Variants in NEK10 observed in about 807,000 individuals in gnomAD.
NEK10 encodes the protein NIMA related kinase 10.
A neutral mutation model predicts 159.8 loss-of-function variants in NEK10; 122 were observed. The observed-to-expected ratio is 0.76, with a 90% CI of 0.66 to 0.89. NEK10 has a LOEUF of 0.89. Ranked by LOEUF, NEK10 falls within the 40% of genes least tolerant of loss-of-function variation. The pLI, the probability that NEK10 is intolerant of heterozygous loss-of-function variation, is 0.00. For missense variants in NEK10, 1,342 were observed against 1,323.1 expected (o/e 1.01, Z -0.22); for synonymous variants, 466 against 457.1 (o/e 1.02, Z -0.25).
chr3:27,361,867 TCTGA>T (rs778954925), intron 1 of NEK10, among the ~76,000 whole-genome samples: 10 of 150,354 alleles, frequency 6.7e-5, no homozygotes, highest in Non-Finnish European at 1.3e-4. Context: ...TTTACTGTGC[TCTGA>T]CTGTGCACAA....
At chr3:27,358,847 T>G (rs1406874337) in intron 1 of NEK10, among the ~76,000 whole-genome samples, 1 of 152,210 alleles carries the variant, frequency 6.6e-6, no homozygotes, top group Non-Finnish European at 1.5e-5. Flanking sequence ...TCACTCAGGT[T>G]GCATCTTTGT....
rs118081438 is a variant in NEK10 at position 27,280,184 on chromosome 3, A to G, written c.2014+4418T>C. Among the ~76,000 whole-genome samples the G allele has an allele frequency of 5.1e-4, 78 of 151,864 alleles. No homozygotes were observed. The East Asian group carries it at 0.013, about 26-fold the overall frequency. On this transcript the variant is annotated intron_variant, in intron 22 of 35. Transcript: ENST00000691995. Reference sequence around the variant, plus strand: ...CAGGAACAATGAGAATGGGCTTGGCAACAACAGAGGATGAGATATTCCAAT... The same window carrying G: ...CAGGAACAATGAGAATGGGCTTGGCGACAACAGAGGATGAGATATTCCAAT...
At chr3:27,303,100 G>C (rs148422241) in intron 12 of NEK10, among the ~76,000 whole-genome samples, 167 of 152,282 alleles carry the variant, frequency 1.1e-3, no homozygotes, top group African/African-American at 3.5e-3. Flanking sequence ...TCCAGCTGGG[G>C]TAATAAATTC....
At position 27,162,438 on chromosome 3, in the gene NEK10, C is replaced by A. The variant is rs376531519; in HGVS notation, c.2869+263G>T. ...CATTTGCCCATTGTGTGCTTAACAT[C>A]AATGTGATCTAGTAAGTACTACCAT... On this transcript the variant is annotated intron_variant, in intron 30 of 35. Transcript: ENST00000691995. 2.5e-6 allele frequency: 4 copies of A among 1,610,436 alleles called. No homozygotes were observed. In the African/African-American group the frequency reaches 5.3e-5, roughly 22 times the overall value.
At chr3:27,116,209 C>A in intron 33 of NEK10, 82 bp from the exon 34 acceptor site, 1 of 1,236,118 alleles carries the variant, frequency 8.1e-7, no homozygotes, top group Non-Finnish European at 1.2e-6. Context: ...ATGACTTCAA[C>A]CACAGGGCAA....
rs191405926 is a variant in NEK10, at chr3:27,147,017, G to A, written c.2870-5435C>T. The stretch of plus-strand genomic sequence containing the variant: ...AACAATAAGGCTGACTGTATTTCAG[G>A]AAAGGTGATCTCACGGGAAGAGGAT... On this transcript the variant is annotated intron_variant, in intron 30 of 35. Coordinates refer to ENST00000691995, the MANE Select transcript of NEK10 (RefSeq NM_001394966.1). 3.5e-3 allele frequency among the ~76,000 whole-genome samples: 536 copies of A among 152,330 alleles called. 5 individuals are homozygous for A. The highest frequency in any genetic ancestry group is 0.012 in the African/African-American group (507 of 41,578).
intron 23 of NEK10, among the ~76,000 whole-genome samples, chr3:27,245,746 T>C (rs992784803): frequency 6.6e-6 from 1 of 152,212 alleles, no homozygotes; most frequent in Non-Finnish European, 1.5e-5. Flanking sequence ...CATCAAATGA[T>C]TCTAATTTCT....
Position 27,130,446 on chromosome 3 carries a change from C to T in NEK10, c.3081+1434G>A, listed in dbSNP as rs193152704. On this transcript the variant is annotated intron_variant, in intron 32 of 35. Transcript: ENST00000691995. ...ATTTAACAAACAAAATCTTCTCTAT[C>T]AGGAGAGGAAAGAAAGTGAGGAAGA... 2.4e-4 allele frequency among the ~76,000 whole-genome samples: 36 copies of T among 152,132 alleles called. No individual in the cohort carries two copies. The East Asian group carries it at 5.6e-3, about 24-fold the overall frequency.
intron 22 of NEK10, among the ~76,000 whole-genome samples, chr3:27,258,475 G>C (rs1030303569): frequency 6.6e-6 from 1 of 150,946 alleles, no homozygotes; most frequent in African/African-American, 2.4e-5. Flanking sequence ...GCGGTGTTTG[G>C]TTTTTTGTTC....
In NEK10 at chr3:27,312,194, A is replaced by C. The variant is rs750394362; in HGVS notation, c.490-17T>G. The C allele has an allele frequency of 3.9e-6, 6 of 1,549,524 alleles. No individual in the cohort carries two copies. The highest frequency in any genetic ancestry group is 4.4e-6 in the Non-Finnish European group (5 of 1,135,382). ...CTCCATATACTGCATGAAGGACCAA[A>C]CCAACAAGCCAGTCAGGACACCAAA... On this transcript the variant is annotated splice_polypyrimidine_tract_variant and intron_variant, in intron 7 of 35. Coordinates refer to ENST00000691995, the MANE Select transcript of NEK10 (RefSeq NM_001394966.1).
intron 33 of NEK10, among the ~76,000 whole-genome samples, chr3:27,117,082 G>T (rs1426752892): frequency 6.6e-6 from 1 of 152,044 alleles, no homozygotes; most frequent in Non-Finnish European, 1.5e-5. Context: ...TTGTTGTTTG[G>T]TTTTCTGTTC....
intron 32 of NEK10, among the ~76,000 whole-genome samples, chr3:27,130,655 A>G (rs1942509681): frequency 6.6e-6 from 1 of 152,200 alleles, no homozygotes; most frequent in South Asian, 2.1e-4. Context: ...TCTGACCTTA[A>G]TAAGAATATA....
At chr3:27,171,165 TA>T (rs1946947026) in intron 29 of NEK10, among the ~76,000 whole-genome samples, 1 of 152,200 alleles carries the variant, frequency 6.6e-6, no homozygotes. Context: ...AGGCTCAATC[TA>T]ATAGTTTTGT....
intron 28 of NEK10, 117 bp downstream of exon 28, chr3:27,174,322 C>G: frequency 1.3e-6 from 2 of 1,529,884 alleles, no homozygotes. Flanking sequence ...TAGCACTGCA[C>G]CTGAAAAACA....
rs538469582 is a variant in NEK10 at position 27,110,983 on chromosome 3, T to C, written c.*289A>G. ...AGTTTTTTTGTTGTTGTTTTTGGGT[T>C]TTCCCCCCACCCTCCAAAAGATGAA... is the stretch of plus-strand genomic sequence containing the variant. On this transcript the variant is annotated 3_prime_UTR_variant, in exon 36 of 36. Coordinates refer to ENST00000691995, the MANE Select transcript of NEK10 (RefSeq NM_001394966.1). 3.5e-6 allele frequency: 1 copy of C among 289,296 alleles called. No homozygotes were observed. The highest frequency in any genetic ancestry group is 6.4e-6 in the Non-Finnish European group (1 of 157,322). The allele number at this position is 289,296 out of a possible 1,614,324, so 17.9% of individuals were successfully genotyped here.
intron 15 of NEK10, among the ~76,000 whole-genome samples, chr3:27,294,008 A>T (rs1271634924): frequency 6.6e-6 from 1 of 152,222 alleles, no homozygotes; most frequent in Non-Finnish European, 1.5e-5. Context: ...TTTTGTTTCT[A>T]GCCTGCTATG....
At chr3:27,142,553 C>G (rs187885067) in intron 30 of NEK10, among the ~76,000 whole-genome samples, 1 of 151,758 alleles carries the variant, frequency 6.6e-6, no homozygotes, top group Non-Finnish European at 1.5e-5. Context: ...TCTTTTCTTC[C>G]CTTCACACAA....
chr3:27,143,832 A>G (rs1171684937), intron 30 of NEK10, among the ~76,000 whole-genome samples: 2 of 152,178 alleles, frequency 1.3e-5, no homozygotes, highest in Non-Finnish European at 2.9e-5. Context: ...ATCCATTTAC[A>G]TACATAAATG....
At chr3:27,154,987 C>T (rs1575534842) in intron 30 of NEK10, among the ~76,000 whole-genome samples, 1 of 152,244 alleles carries the variant, frequency 6.6e-6, no homozygotes, top group Admixed American at 6.5e-5. Flanking sequence ...GCATCCAAAT[C>T]AGTAAAGAAG....
Sources: gnomAD v4.1 joint callset for allele counts (sites outside exome capture counted in the v4.1 genomes callset) on GRCh38, gnomAD v4.1.1 for gene constraint, MANE v1.5 for transcripts, NCBI Gene and HGNC (gene_info 2026-07-23, HGNC 2026-07-21) for gene names.